CPNE8: variants seen among roughly 807,000 people sequenced by gnomAD.
CPNE8 encodes copine 8, also known as copine-8.
CPNE8 carries 45 observed loss-of-function variants against 81.5 expected under a neutral mutation model. The observed-to-expected ratio is 0.55, with a 90% CI of 0.44 to 0.71. The LOEUF is 0.71. Among genes scored for constraint, CPNE8 ranks in the 30% least tolerant of loss-of-function variants. The pLI, the probability that CPNE8 is intolerant of heterozygous loss-of-function variation, is 0.00. For synonymous variants in CPNE8, 252 were observed against 226.3 expected (o/e 1.11, Z -1.02); for missense variants, 594 against 672.1 (o/e 0.88, Z 1.28).
Position 38,864,161 on chromosome 12 carries a change from T to C in CPNE8, c.186+8843A>G, listed in dbSNP as rs1301371113. On this transcript the variant is annotated intron_variant, in intron 3 of 19. Coordinates refer to ENST00000331366, the MANE Select transcript of CPNE8 (RefSeq NM_153634.3). ...CAGTAAGGATAAATGTATGTATAAA[T>C]TGACAGACAGATTCTAAAATTTCTG... Among the ~76,000 whole-genome samples, 5 of 152,170 alleles carry C rather than the reference T, an allele frequency of 3.3e-5. No homozygotes were observed. In the East Asian group the frequency reaches 7.7e-4, roughly 24 times the overall value.
chr12:38,684,944 C>G (rs958535142), intron 16 of CPNE8, among the ~76,000 whole-genome samples: 2 of 152,052 alleles, frequency 1.3e-5, no homozygotes, highest in African/African-American at 4.8e-5. Flanking sequence ...AGAACATGTA[C>G]TTGGAGTAAT....
At position 38,653,998 on chromosome 12, in the gene CPNE8, C is replaced by T. The variant is rs751045719; in HGVS notation, c.1579G>A (p.Val527Ile). Residue 527 changes from valine to isoleucine, a missense_variant, in exon 20 of 20, where the codon GTC becomes ATC. Val to Ile is a conservative substitution (Grantham distance 29, BLOSUM62 3). Coordinates refer to ENST00000331366, the MANE Select transcript of CPNE8 (RefSeq NM_153634.3). Reference sequence around the variant, plus strand: ...AACTGCTCAGGGATCTCAGCTAGGACATCTTTAGCCAATCTAGCCATGCTC... The same window carrying T: ...AACTGCTCAGGGATCTCAGCTAGGATATCTTTAGCCAATCTAGCCATGCTC... ...ILSMARLAKD[V>I]LAEIPEQFLS... 14 of 1,613,530 alleles carry T rather than the reference C, an allele frequency of 8.7e-6. No individual in the cohort carries two copies. The highest frequency in any genetic ancestry group is 1.3e-5 in the African/African-American group (1 of 74,882).
intron 1 of CPNE8, among the ~76,000 whole-genome samples, chr12:38,876,717 C>G (rs1944072060): frequency 6.6e-6 from 1 of 152,136 alleles, no homozygotes; most frequent in Admixed American, 6.5e-5. Context: ...AATAATTTTA[C>G]CTGTACTTTG....
intron 6 of CPNE8, among the ~76,000 whole-genome samples, chr12:38,793,415 TTC>T (rs754293202): frequency 1.3e-5 from 2 of 151,766 alleles, no homozygotes; most frequent in East Asian, 1.9e-4. Context: ...TAAAAATTAG[TTC>T]TGTTTTTATA....
intron 19 of CPNE8, among the ~76,000 whole-genome samples, chr12:38,661,986 TAGGTATAGA>T (rs1938967367): frequency 1.3e-5 from 2 of 151,762 alleles, no homozygotes; most frequent in South Asian, 4.2e-4. Flanking sequence ...GTCTGTAAAT[TAGGTATAGA>T]AGGAAAATAC....
chr12:38,885,376 A>G (rs898151481), intron 1 of CPNE8, among the ~76,000 whole-genome samples: 1 of 152,216 alleles, frequency 6.6e-6, no homozygotes, highest in Non-Finnish European at 1.5e-5. Flanking sequence ...CATTTTAAAT[A>G]AAGTTCATCC....
At chr12:38,775,608 C>T (rs1166170355) in intron 7 of CPNE8, among the ~76,000 whole-genome samples, 1 of 152,160 alleles carries the variant, frequency 6.6e-6, no homozygotes, top group Non-Finnish European at 1.5e-5. Context: ...TCATAGCTAT[C>T]ACCCCATTTC....
intron 10 of CPNE8, among the ~76,000 whole-genome samples, chr12:38,740,839 G>T (rs1241207764): frequency 6.6e-6 from 1 of 152,132 alleles, no homozygotes; most frequent in African/African-American, 2.4e-5. Flanking sequence ...AGGGATATTG[G>T]TCTAAAATTC....
chr12:38,835,164 C>A (rs934136806), intron 5 of CPNE8, among the ~76,000 whole-genome samples: 2 of 152,166 alleles, frequency 1.3e-5, no homozygotes, highest in Admixed American at 6.5e-5. Context: ...GGATTACAAG[C>A]ATGAGCCACC....
chr12:38,892,134 T>C (rs2137144550), intron 1 of CPNE8, among the ~76,000 whole-genome samples: 1 of 152,230 alleles, frequency 6.6e-6, no homozygotes, highest in South Asian at 2.1e-4. Context: ...GGGAAAGGCT[T>C]CTCAGGCTGT....
intron 10 of CPNE8, among the ~76,000 whole-genome samples, chr12:38,749,292 C>A (rs1300224615): frequency 2.0e-5 from 3 of 150,750 alleles, no homozygotes; most frequent in Non-Finnish European, 4.4e-5. Context: ...ACTGTAAGTC[C>A]AATTAAACCT....
chr12:38,828,150 A>G (rs1235116265), intron 6 of CPNE8, among the ~76,000 whole-genome samples: 1 of 152,186 alleles, frequency 6.6e-6, no homozygotes, highest in African/African-American at 2.4e-5. Context: ...GACAAAAAAC[A>G]AAAGGTAGAT....
intron 6 of CPNE8, among the ~76,000 whole-genome samples, chr12:38,813,732 T>G (rs889661138): frequency 6.6e-6 from 1 of 152,086 alleles, no homozygotes. Flanking sequence ...CTACAGAAAT[T>G]TTCAGGAAAA....
Position 38,762,135 on chromosome 12 carries a change from T to C in CPNE8, c.657A>G (p.Ala219=), listed in dbSNP as rs375410278. Residue 219 remains alanine, a synonymous_variant, in exon 9 of 20, where the codon GCA becomes GCG. Coordinates refer to ENST00000331366, the MANE Select transcript of CPNE8 (RefSeq NM_153634.3). ...VWQAFKISVR[A]LCNGDYDRTI... The stretch of plus-strand genomic sequence containing the variant: ...ACCTGTCATAGTCTCCATTACATAA[T>C]GCTCTGACTGAGATCTTGAATGCTT... 2.5e-6 allele frequency: 4 copies of C among 1,588,380 alleles called. No individual in the cohort carries two copies. Among genetic ancestry groups the C allele is most frequent in the Non-Finnish European group, 3.4e-6 (4 of 1,164,044 alleles).
chr12:38,750,220 T>C (rs1293289183), intron 10 of CPNE8, among the ~76,000 whole-genome samples: 3 of 152,210 alleles, frequency 2.0e-5, no homozygotes, highest in Non-Finnish European at 4.4e-5. Flanking sequence ...TGGGAACCTC[T>C]GCTTAGATTT....
At chr12:38,687,839 T>G (rs74087326) in intron 15 of CPNE8, among the ~76,000 whole-genome samples, 5,516 of 152,280 alleles carry the variant, frequency 0.036, 320 homozygotes, top group African/African-American at 0.12. Flanking sequence ...CCTCATACAT[T>G]TTTGAAAGTA....
At chr12:38,791,361 C>T (rs890432227) in intron 6 of CPNE8, among the ~76,000 whole-genome samples, 1 of 151,166 alleles carries the variant, frequency 6.6e-6, no homozygotes, top group African/African-American at 2.4e-5. Context: ...GGACCATATA[C>T]TATGTTATAG....
Position 38,769,430 on chromosome 12 carries a change from T to C in CPNE8, c.472-1692A>G, listed in dbSNP as rs115533008. ...AGTTCTATACTATCTATTATAGAAG[T>C]AGTGAAATAATCATTCTGGATGATC... is the stretch of plus-strand genomic sequence containing the variant. On this transcript the variant is annotated intron_variant, in intron 7 of 19. Coordinates refer to ENST00000331366, the MANE Select transcript of CPNE8 (RefSeq NM_153634.3). Among the ~76,000 whole-genome samples the C allele has an allele frequency of 5.0e-3, 757 of 152,088 alleles. 5 individuals carry two copies. The highest frequency in any genetic ancestry group is 0.017 in the African/African-American group (707 of 41,536).
At chr12:38,890,000 T>C (rs902031075) in intron 1 of CPNE8, among the ~76,000 whole-genome samples, 1 of 152,180 alleles carries the variant, frequency 6.6e-6, no homozygotes, top group Non-Finnish European at 1.5e-5. Context: ...TTGTTGACAA[T>C]AGCTGGTTTA....
Sources: gnomAD v4.1 joint callset for allele counts (sites outside exome capture counted in the v4.1 genomes callset) on GRCh38, gnomAD v4.1.1 for gene constraint, MANE v1.5 for transcripts, NCBI Gene and HGNC (gene_info 2026-07-23, HGNC 2026-07-21) for gene names.